Variants in POC5 observed in about 807,000 individuals in gnomAD.
POC5 encodes POC5 centriolar protein.
In POC5, 48 loss-of-function variants were observed where a neutral mutation model predicts 62.9. The ratio of observed to expected loss-of-function variants is 0.76; its 90% CI spans 0.61 to 0.97. The LOEUF is 0.97. Ranked by LOEUF, POC5 falls within the 50% of genes least tolerant of loss-of-function variation. The pLI, the probability that POC5 is intolerant of heterozygous loss-of-function variation, is 0.00. For synonymous variants in POC5, 236 were observed against 228.2 expected (o/e 1.03, Z -0.31); for missense variants, 696 against 679.5 (o/e 1.02, Z -0.27).
chr5:75,697,392 G>T (rs1464391432), intron 5 of POC5, among the ~76,000 whole-genome samples: 1 of 151,934 alleles, frequency 6.6e-6, no homozygotes, highest in African/African-American at 2.4e-5. Context: ...AGAGAGTGGG[G>T]GCCAATATTC....
chr5:75,699,031 C>T (rs1157424420), intron 5 of POC5, among the ~76,000 whole-genome samples: 1 of 152,070 alleles, frequency 6.6e-6, no homozygotes. Flanking sequence ...GAAGTTGAAT[C>T]TCTGAATAGA....
intron 10 of POC5, among the ~76,000 whole-genome samples, chr5:75,679,063 C>T (rs1161399434): frequency 6.6e-6 from 1 of 152,126 alleles, no homozygotes; most frequent in Non-Finnish European, 1.5e-5. Flanking sequence ...CTGACGAGTA[C>T]TAAACTCATT....
intron 5 of POC5, among the ~76,000 whole-genome samples, chr5:75,702,071 A>G (rs1309311963): frequency 6.6e-6 from 1 of 152,006 alleles, no homozygotes; most frequent in East Asian, 1.9e-4. Context: ...CTCAAAGTAC[A>G]GTTTCTGAAC....
chr5:75,704,909 G>A (rs954417014), intron 4 of POC5, among the ~76,000 whole-genome samples: 1 of 152,184 alleles, frequency 6.6e-6, no homozygotes, highest in African/African-American at 2.4e-5. Context: ...GCTTTTAAAA[G>A]TTCTTTAAAG....
chr5:75,712,914 G>C lies in POC5; in HGVS notation c.24C>G (p.Tyr8Ter). 1 of 1,612,438 alleles carries C rather than the reference G, an allele frequency of 6.2e-7. No individual in the cohort carries two copies. The highest frequency in any genetic ancestry group is 8.5e-7 in the Non-Finnish European group (1 of 1,179,136). MSSDEEK[Y>*]SLPVVQNDSS... ...AGTCATTTTGCACAACTGGAAGTGA[G>C]TATTTCTCCTCATCTGATGACATTC... Residue 8 changes from tyrosine to a stop codon, truncating the protein, a stop_gained, in exon 2 of 12, where the codon TAC becomes TAG. Coordinates refer to ENST00000428202, the MANE Select transcript of POC5 (RefSeq NM_001099271.2). LOFTEE classifies it high-confidence loss of function.
chr5:75,680,715 C>T (rs917259941), intron 10 of POC5, among the ~76,000 whole-genome samples: 5 of 151,712 alleles, frequency 3.3e-5, no homozygotes, highest in African/African-American at 1.2e-4. Flanking sequence ...AAAGAAAAAC[C>T]TAGAAGGATT....
chr5:75,682,195 C>T (rs1367273577), intron 10 of POC5, among the ~76,000 whole-genome samples: 7 of 78,692 alleles, frequency 8.9e-5, no homozygotes, highest in East Asian at 5.1e-4. Flanking sequence ...ACACTATCTC[C>T]GATGACCAGA....
At position 75,692,466 on chromosome 5, in the gene POC5, T is replaced by G; in HGVS notation, c.725A>C (p.Gln242Pro). 6.2e-7 allele frequency: 1 copy of G among 1,605,802 alleles called. No homozygotes were observed. Among genetic ancestry groups the G allele is most frequent in the Non-Finnish European group, 8.5e-7 (1 of 1,175,986 alleles). The change falls in exon 7 of 12, where the codon CAA becomes CCA. Residue 242 changes from glutamine to proline, a missense_variant. By Grantham distance (76) the Gln-to-Pro change is moderately conservative. Transcript: ENST00000428202. ...TCTCATCAACTCTATCTTTTCCTTT[T>G]GCTTGCCTATGGCATGAGACAAGCT... ...ISSLSHAIGK[Q>P]KEKIELMRTF... is the part of the protein sequence containing the mutation.
At chr5:75,676,971 T>G (rs1447905026) in intron 11 of POC5, among the ~76,000 whole-genome samples, 2 of 152,190 alleles carry the variant, frequency 1.3e-5, no homozygotes, top group African/African-American at 2.4e-5. Flanking sequence ...CAGAGATATC[T>G]CATGTATCTT....
intron 6 of POC5, among the ~76,000 whole-genome samples, chr5:75,693,603 C>G (rs925956246): frequency 6.6e-6 from 1 of 150,414 alleles, no homozygotes; most frequent in East Asian, 1.9e-4. Flanking sequence ...AAGAAAATGA[C>G]TGACATTAAA....
Position 75,692,511 on chromosome 5 carries a change from C to T in POC5, c.691-11G>A, listed in dbSNP as rs888788. 0.2 allele frequency: 307,094 copies of T among 1,534,394 alleles called. 31,464 individuals carry two copies. The highest frequency in any genetic ancestry group is 0.21 in the Non-Finnish European group (242,133 of 1,133,314). ...CAAGCTAGAAATCACCTGTAAACAG[C>T]AATTAACCCAATTATTGTGATATTA... On this transcript the variant is annotated splice_polypyrimidine_tract_variant and intron_variant, in intron 6 of 11. Coordinates refer to ENST00000428202, the MANE Select transcript of POC5 (RefSeq NM_001099271.2).
chr5:75,701,638 T>C (rs1296696297), intron 5 of POC5, among the ~76,000 whole-genome samples: 1 of 149,868 alleles, frequency 6.7e-6, no homozygotes, highest in Non-Finnish European at 1.5e-5. Context: ...AGTTAGTGGG[T>C]GCAGCGCACC....
chr5:75,711,791 G>A (rs1037273083), intron 2 of POC5, among the ~76,000 whole-genome samples: 7 of 152,120 alleles, frequency 4.6e-5, no homozygotes, highest in African/African-American at 1.4e-4. Context: ...TTCTTCTTCC[G>A]TCTCTCTAAA....
intron 5 of POC5, among the ~76,000 whole-genome samples, chr5:75,698,615 G>A (rs1189944316): frequency 6.6e-6 from 1 of 151,812 alleles, no homozygotes; most frequent in Non-Finnish European, 1.5e-5. Flanking sequence ...AGAGAAAGGA[G>A]GAAAGATCCA....
In POC5 at chr5:75,674,483, A is replaced by C. The variant is rs758646336; in HGVS notation, c.1680T>G (p.Ala560=). 5.0e-6 allele frequency: 8 copies of C among 1,613,896 alleles called. 1 individual carries two copies. In the South Asian group the frequency reaches 8.8e-5, roughly 18 times the overall value. Residue 560 remains alanine (A), a synonymous_variant, in exon 12 of 12, where the codon GCT becomes GCG. Transcript: ENST00000428202. ...SASRSLGTRS[A]HTQSLTSVHS... ...GAACACTTGTGAGAGACTGGGTGTG[A>C]GCTGATCTGGTTCCAAGTGATCTGG...
intron 4 of POC5, among the ~76,000 whole-genome samples, chr5:75,703,972 G>A (rs573561125): frequency 6.6e-6 from 1 of 151,954 alleles, no homozygotes; most frequent in South Asian, 2.1e-4. Context: ...TGGCCAACAT[G>A]GTAAAACCCT....
intron 2 of POC5, chr5:75,712,540 A>G: frequency 7.9e-7 from 1 of 1,264,892 alleles, no homozygotes; most frequent in Non-Finnish European, 1.1e-6. Flanking sequence ...TGAAAGTAGC[A>G]TTCATGAGAG....
At chr5:75,714,497 A>G (rs183165764) in intron 1 of POC5, among the ~76,000 whole-genome samples, 2 of 152,230 alleles carry the variant, frequency 1.3e-5, no homozygotes, top group East Asian at 3.8e-4. Context: ...TAGCAATGGG[A>G]AGGGGATGGA....
At chr5:75,710,860 T>G (rs1235529483) in intron 2 of POC5, among the ~76,000 whole-genome samples, 1 of 152,128 alleles carries the variant, frequency 6.6e-6, no homozygotes, top group Admixed American at 6.5e-5. Flanking sequence ...CTCTAGCATG[T>G]AGGAACGGAG....
Sources: gnomAD v4.1 joint callset for allele counts (sites outside exome capture counted in the v4.1 genomes callset) on GRCh38, gnomAD v4.1.1 for gene constraint, MANE v1.5 for transcripts, NCBI Gene and HGNC (gene_info 2026-07-23, HGNC 2026-07-21) for gene names.